PDE11A: variants seen among roughly 807,000 people sequenced by gnomAD.
The protein encoded by PDE11A is dual 3',5'-cyclic-AMP and -GMP phosphodiesterase 11A.
PDE11A carries 100 observed loss-of-function variants against 100.5 expected under a neutral mutation model. The observed-to-expected ratio is 1.00, with a 90% CI of 0.85 to 1.18. PDE11A has a LOEUF of 1.18. PDE11A is among the 50% of genes most tolerant of loss of function. The probability of loss-of-function intolerance (pLI) is 0.00; values close to 1 mark genes in which losing one functional copy is unlikely to be tolerated. For synonymous variants in PDE11A, 381 were observed against 420.8 expected, an observed-to-expected ratio of 0.91 and a Z score of 1.16; for missense variants, 1,141 against 1,152.6, an observed-to-expected ratio of 0.99 and a Z score of 0.15.
chr2:177,864,614 CAA>C (rs982238416), intron 5 of PDE11A, among the ~76,000 whole-genome samples: 2 of 152,034 alleles, frequency 1.3e-5, no homozygotes, highest in Non-Finnish European at 2.9e-5. Context: ...ACGTGAAAAA[CAA>C]AGAGACAAAT....
At chr2:177,644,047 C>T (rs2080184349) in intron 19 of PDE11A, among the ~76,000 whole-genome samples, 1 of 152,186 alleles carries the variant, frequency 6.6e-6, no homozygotes, top group African/African-American at 2.4e-5. Context: ...GGGTGGGGCC[C>T]TCATGGAGAA....
intron 19 of PDE11A, among the ~76,000 whole-genome samples, chr2:177,650,485 T>G (rs941704302): frequency 2.4e-4 from 36 of 152,228 alleles, no homozygotes; most frequent in African/African-American, 8.2e-4. Flanking sequence ...TTTTCTACCT[T>G]GTTTGCTGAC....
intron 6 of PDE11A, among the ~76,000 whole-genome samples, chr2:177,826,889 A>T (rs1213650914): frequency 6.6e-6 from 1 of 152,234 alleles, no homozygotes; most frequent in Non-Finnish European, 1.5e-5. Context: ...AAACTGAGAG[A>T]AGATTGACAA....
intron 5 of PDE11A, among the ~76,000 whole-genome samples, chr2:177,860,441 G>A (rs750506515): frequency 2.2e-4 from 34 of 151,540 alleles, no homozygotes; most frequent in Non-Finnish European, 3.7e-4. Context: ...TAATTAGAGA[G>A]GTTAAATTAA....
intron 10 of PDE11A, among the ~76,000 whole-genome samples, chr2:177,767,041 A>G (rs2105498317): frequency 6.6e-6 from 1 of 152,338 alleles, no homozygotes; most frequent in East Asian, 1.9e-4. Context: ...TTTAGAAAGT[A>G]AACAGCTAGG....
intron 5 of PDE11A, among the ~76,000 whole-genome samples, chr2:177,865,515 C>T (rs2084013433): frequency 6.6e-6 from 1 of 152,040 alleles, no homozygotes; most frequent in African/African-American, 2.4e-5. Flanking sequence ...TAGGCCTATA[C>T]CCAAAAGAAC....
intron 2 of PDE11A, among the ~76,000 whole-genome samples, chr2:177,945,246 T>C (rs1471573476): frequency 1.3e-5 from 2 of 150,784 alleles, no homozygotes; most frequent in African/African-American, 4.9e-5. Flanking sequence ...CGCCACCCCG[T>C]CTGGGAAGTG....
intron 2 of PDE11A, among the ~76,000 whole-genome samples, chr2:178,090,999 C>A (rs1198160471): frequency 6.6e-6 from 1 of 152,174 alleles, no homozygotes; most frequent in Non-Finnish European, 1.5e-5. Flanking sequence ...AAATCATTGT[C>A]AATATGTTCC....
Position 177,727,741 on chromosome 2 carries a change from C to T in PDE11A, c.1960G>A (p.Val654Met). ...AGAACCATCCGATAGTTTTTCCTCA[C>T]TGTCAAAAGCCACCTACACAGTGTC... Reference protein sequence around the residue: ...YETLCRWLLTVRKNYRMVLYH... With the variant: ...YETLCRWLLTMRKNYRMVLYH... Residue 654 changes from valine (V) to methionine (M), a missense_variant, in exon 12 of 20, where the codon GTG becomes ATG. Physicochemically the swap from Val to Met is conservative, Grantham distance 21. Coordinates refer to ENST00000286063, the MANE Select transcript of PDE11A (RefSeq NM_016953.4). The T allele has an allele frequency of 6.2e-7, 1 of 1,608,150 alleles. No homozygotes were observed. The highest frequency in any genetic ancestry group is 8.5e-7 in the Non-Finnish European group (1 of 1,174,732).
At chr2:178,009,492 G>T (rs1015844848) in intron 2 of PDE11A, among the ~76,000 whole-genome samples, 1 of 152,088 alleles carries the variant, frequency 6.6e-6, no homozygotes, top group Non-Finnish European at 1.5e-5. Flanking sequence ...TAAAATTATT[G>T]CTAATTATCC....
chr2:177,863,647 C>G (rs144905223), intron 5 of PDE11A, among the ~76,000 whole-genome samples: 1 of 151,990 alleles, frequency 6.6e-6, no homozygotes, highest in South Asian at 2.1e-4. Context: ...TGAGATACAC[C>G]TCATACCCAT....
At chr2:177,839,353 C>T (rs965881052) in intron 6 of PDE11A, among the ~76,000 whole-genome samples, 1 of 152,178 alleles carries the variant, frequency 6.6e-6, no homozygotes, top group Admixed American at 6.5e-5. Flanking sequence ...TTTAACTGTT[C>T]AGTTGTTATC....
chr2:178,026,448 G>C (rs2086479159), intron 1 of PDE11A, among the ~76,000 whole-genome samples: 1 of 152,058 alleles, frequency 6.6e-6, no homozygotes, highest in East Asian at 1.9e-4. Flanking sequence ...GATCACTTGA[G>C]GTCAGGAGTC....
chr2:177,996,271 T>C (rs1263418424), intron 2 of PDE11A, among the ~76,000 whole-genome samples: 1 of 151,852 alleles, frequency 6.6e-6, no homozygotes. Context: ...ACACAGCCTT[T>C]ATTTTTAGTT....
chr2:177,756,787 A>G (rs964130960), intron 10 of PDE11A, among the ~76,000 whole-genome samples: 11 of 152,250 alleles, frequency 7.2e-5, no homozygotes, highest in African/African-American at 2.7e-4. Flanking sequence ...GTTGAAGGCT[A>G]AGGAATCATA....
chr2:177,982,267 C>A (rs1441260118), intron 2 of PDE11A, among the ~76,000 whole-genome samples: 1 of 150,398 alleles, frequency 6.6e-6, no homozygotes, highest in Non-Finnish European at 1.5e-5. Context: ...TCTGCCATAA[C>A]CCTGATTGTA....
intron 16 of PDE11A, among the ~76,000 whole-genome samples, chr2:177,678,330 T>C (rs766263102): frequency 2.6e-5 from 4 of 152,210 alleles, no homozygotes; most frequent in African/African-American, 9.6e-5. Flanking sequence ...CATCTACCTA[T>C]GTCAAGAGCC....
chr2:177,972,709 C>G (rs2085787655), intron 2 of PDE11A, among the ~76,000 whole-genome samples: 2 of 152,104 alleles, frequency 1.3e-5, no homozygotes, highest in African/African-American at 4.8e-5. Flanking sequence ...TGGCCCTAGA[C>G]AGAAGAAGGG....
At chr2:178,097,789 T>C (rs977826173) in intron 2 of PDE11A, among the ~76,000 whole-genome samples, 2 of 152,158 alleles carry the variant, frequency 1.3e-5, no homozygotes, top group Admixed American at 6.5e-5. Flanking sequence ...TAAGGTCAAA[T>C]GACAGATACA....
Sources: allele counts gnomAD v4.1 joint callset (sites outside exome capture counted in the v4.1 genomes callset), GRCh38; gene constraint gnomAD v4.1.1; transcripts MANE v1.5; gene names NCBI Gene and HGNC (gene_info 2026-07-23, HGNC 2026-07-21).